The following PRH1 variants were observed in gnomAD, a reference collection of about 807,000 sequenced individuals.
PRH1 encodes salivary acidic proline-rich phosphoprotein 1/2.
PRH1 carries 7 observed loss-of-function variants against 7.9 expected under a neutral mutation model. The observed-to-expected ratio is 0.89, with a 90% CI of 0.50 to 1.67. PRH1 has a LOEUF of 1.67. Ranked by LOEUF, PRH1 falls within the 40% of genes most tolerant of loss-of-function variation. The pLI is 0.00. For synonymous variants in PRH1, 45 were observed against 80.8 expected, an observed-to-expected ratio of 0.56 and a Z score of 2.38; for missense variants, 109 against 223.6, an observed-to-expected ratio of 0.49 and a Z score of 3.27.
chr12:11,055,534 C>A (rs1943329502), intron 1 of PRH1, among the ~76,000 whole-genome samples: 1 of 152,256 alleles, frequency 6.6e-6, no homozygotes, highest in Non-Finnish European at 1.5e-5. Context: ...GAGTTCAAGG[C>A]TGTCTTAATG....
At position 11,126,814 on chromosome 12, in the gene PRH1, T is replaced by C. The variant is rs1946147509; in HGVS notation, n.40-5634A>G. ...CTGTAAGGCAAATTTTAGCATTGTT[T>C]AACAACTCATTAAAAGGACTCAAAG... On this transcript the variant is annotated intron_variant and non_coding_transcript_variant, in intron 1 of 1. Transcript: ENST00000541175. Among the ~76,000 whole-genome samples, 4 of 152,202 alleles carry C rather than the reference T, an allele frequency of 2.6e-5. No homozygotes were observed. In the South Asian group the frequency reaches 8.3e-4, roughly 31 times the overall value.
Position 11,044,627 on chromosome 12 carries a change from T to A in PRH1, c.-126+2393A>T, listed in dbSNP as rs1427163328. Among the ~76,000 whole-genome samples the A allele has an allele frequency of 4.6e-5, 7 of 151,852 alleles. No individual in the cohort carries two copies. The East Asian group carries it at 1.3e-3, about 29-fold the overall frequency. On this transcript the variant is annotated intron_variant, in intron 1 of 3. Coordinates refer to the PRH1 transcript ENST00000539853. ...AAAATCTAACAATCTGATCAAACAA[T>A]GGGTGAAAGATTTGAATATGCATTT...
chr12:10,889,659 G>C (rs866126045), intron 2 of PRH1, among the ~76,000 whole-genome samples: 2 of 152,046 alleles, frequency 1.3e-5, no homozygotes, highest in African/African-American at 4.8e-5. Context: ...TACATCATTT[G>C]TTATAGCCTT....
intron 1 of PRH1, chr12:11,133,717 AT>A (rs773471826): frequency 2.5e-5 from 40 of 1,614,064 alleles, no homozygotes; most frequent in Non-Finnish European, 3.4e-5. Context: ...TTAGAGTCAT[AT>A]TTGAATGGTA....
chr12:11,050,820 C>T (rs534917613), upstream of PRH1, among the ~76,000 whole-genome samples: 8 of 152,362 alleles, frequency 5.3e-5, no homozygotes, highest in Middle Eastern at 3.4e-3. Flanking sequence ...AGATTTAAGA[C>T]GGTTTCCATA....
chr12:10,923,978 A>G (rs372912729), intron 2 of PRH1, among the ~76,000 whole-genome samples: 34 of 94,440 alleles, frequency 3.6e-4, no homozygotes, highest in African/African-American at 9.9e-4. Context: ...CTTTTTATTC[A>G]TTTCTCCATC....
intron 1 of PRH1, among the ~76,000 whole-genome samples, chr12:11,076,432 T>TTTTTA (rs1352474128): frequency 1.6e-4 from 20 of 127,502 alleles, no homozygotes; most frequent in African/African-American, 2.0e-4. Context: ...GGACTTTTTT[T>TTTTTA]AAGATAGAGA....
At chr12:11,113,261 T>C (rs1183956707) in intron 1 of PRH1, among the ~76,000 whole-genome samples, 1 of 151,966 alleles carries the variant, frequency 6.6e-6, no homozygotes, top group Non-Finnish European at 1.5e-5. Context: ...GCCAAGACAA[T>C]CCTAAGCAAA....
intron 2 of PRH1, among the ~76,000 whole-genome samples, chr12:10,951,366 G>A (rs1422186868): frequency 6.6e-6 from 1 of 152,090 alleles, no homozygotes; most frequent in Non-Finnish European, 1.5e-5. Flanking sequence ...ATCATAACTT[G>A]TATCATGACT....
intron 2 of PRH1, among the ~76,000 whole-genome samples, chr12:10,903,831 AG>A (rs1278470650): frequency 7.3e-5 from 11 of 151,410 alleles, no homozygotes; most frequent in Non-Finnish European, 1.6e-4. Flanking sequence ...GTAAAGTTTC[AG>A]GATACAAATC....
At chr12:10,962,446 A>G (rs1172466698) in intron 2 of PRH1, among the ~76,000 whole-genome samples, 1 of 152,122 alleles carries the variant, frequency 6.6e-6, no homozygotes, top group Non-Finnish European at 1.5e-5. Flanking sequence ...CCTTATCTCC[A>G]TGTTTTTAGT....
chr12:10,893,656 C>T (rs190484442), intron 2 of PRH1, among the ~76,000 whole-genome samples: 14 of 152,220 alleles, frequency 9.2e-5, no homozygotes, highest in Non-Finnish European at 1.3e-4. Context: ...TTTAAAATTT[C>T]GTTTTAGGCC....
At chr12:11,119,333 A>T (rs918574231), downstream of PRH1, among the ~76,000 whole-genome samples, 2 of 151,574 alleles carry the variant, frequency 1.3e-5, no homozygotes, top group African/African-American at 4.9e-5. Context: ...AAAAAATAGA[A>T]AGAGTGAATG....
rs111467697 is a variant in PRH1, at chr12:11,027,809, A to G, written c.-126+19211T>C. Among the ~76,000 whole-genome samples the G allele has an allele frequency of 1.6e-4, 24 of 152,308 alleles. No individual in the cohort carries two copies. In the East Asian group the frequency reaches 3.9e-3, roughly 25 times the overall value. ...GTTGGAGAGGGGAGAGCAAATCCCTATGGAATTAGTGTAAGACCATTCTCT... is the reference window on the plus strand; with the variant it reads ...GTTGGAGAGGGGAGAGCAAATCCCTGTGGAATTAGTGTAAGACCATTCTCT... On this transcript the variant is annotated intron_variant, in intron 1 of 3. Coordinates refer to the PRH1 transcript ENST00000539853.
At chr12:10,961,293 A>G (rs1335342992) in intron 2 of PRH1, among the ~76,000 whole-genome samples, 1 of 151,128 alleles carries the variant, frequency 6.6e-6, no homozygotes, top group African/African-American at 2.5e-5. Flanking sequence ...CAAGAGAAAG[A>G]ACCAGCAAAG....
chr12:10,993,272 C>T (rs1449203537), intron 1 of PRH1, among the ~76,000 whole-genome samples: 1 of 152,136 alleles, frequency 6.6e-6, no homozygotes, highest in Non-Finnish European at 1.5e-5. Flanking sequence ...GAGGTAAGAA[C>T]AAAAGCACTG....
intron 1 of PRH1, among the ~76,000 whole-genome samples, chr12:11,137,017 C>T (rs1321159548): frequency 6.6e-6 from 1 of 152,174 alleles, no homozygotes; most frequent in East Asian, 1.9e-4. Context: ...TCTAGGCATT[C>T]TCCTGCAACT....
At position 11,139,531 on chromosome 12, in the gene PRH1, C is replaced by G. The variant is rs1343354171; in HGVS notation, n.40-18351G>C. The stretch of plus-strand genomic sequence containing the variant: ...ATTTTTCCATCTTGATAATTCCTTT[C>G]ACATCTGTGAGTATTATTATCTATG... On this transcript the variant is annotated intron_variant and non_coding_transcript_variant, in intron 1 of 1. Coordinates refer to the PRH1 transcript ENST00000541175. 2.0e-5 allele frequency among the ~76,000 whole-genome samples: 3 copies of G among 152,152 alleles called. No homozygotes were observed. In the East Asian group the frequency reaches 5.8e-4, roughly 29 times the overall value.
chr12:11,070,962 A>G (rs1944039091), intron 1 of PRH1, among the ~76,000 whole-genome samples: 1 of 147,182 alleles, frequency 6.8e-6, no homozygotes, highest in Non-Finnish European at 1.5e-5. Context: ...TTTTTTTCTA[A>G]GAAAAAGAGA....
Sources: gnomAD v4.1 joint callset for allele counts (sites outside exome capture counted in the v4.1 genomes callset) on GRCh38, gnomAD v4.1.1 for gene constraint, MANE v1.5 for transcripts, NCBI Gene and HGNC (gene_info 2026-07-23, HGNC 2026-07-21) for gene names.